The following PCDH9 variants were observed in gnomAD, a reference collection of about 807,000 sequenced individuals.
The protein encoded by PCDH9 is protocadherin-9.
In PCDH9, 24 loss-of-function variants were observed where a neutral mutation model predicts 70.6. That is an observed-to-expected ratio of 0.34 (90% confidence interval 0.25 to 0.48). The LOEUF (loss-of-function observed/expected upper bound fraction) is 0.48, where lower values mean the gene tolerates loss of function less well. PCDH9 is among the 20% of genes least tolerant of loss of function. The probability of loss-of-function intolerance (pLI) is 0.99; values close to 1 mark genes in which losing one functional copy is unlikely to be tolerated. For synonymous variants in PCDH9, 562 were observed against 558.5 expected, an observed-to-expected ratio of 1.01 and a Z score of -0.09; for missense variants, 1,281 against 1,503.6, an observed-to-expected ratio of 0.85 and a Z score of 2.45.
intron 2 of PCDH9, among the ~76,000 whole-genome samples, chr13:67,113,951 G>T (rs1018066659): frequency 1.3e-5 from 2 of 152,160 alleles, no homozygotes; most frequent in African/African-American, 4.8e-5. Flanking sequence ...TCACTTTGGT[G>T]CATCACAGAT....
At chr13:66,698,895 C>CTTTTTTTT (rs67333897) in intron 3 of PCDH9, among the ~76,000 whole-genome samples, 186 of 60,782 alleles carry the variant, frequency 3.1e-3, no homozygotes, top group Admixed American at 4.4e-3. Context: ...CTCAATTCCT[C>CTTTTTTTT]TTTTTTTTTT....
intron 2 of PCDH9, among the ~76,000 whole-genome samples, chr13:66,923,860 A>G (rs1372053017): frequency 6.6e-6 from 1 of 151,800 alleles, no homozygotes; most frequent in African/African-American, 2.4e-5. Context: ...TCATTTTACT[A>G]ACTATAAACT....
chr13:66,385,591 T>A (rs953367007), intron 4 of PCDH9, among the ~76,000 whole-genome samples: 1 of 152,182 alleles, frequency 6.6e-6, no homozygotes, highest in Admixed American at 6.5e-5. Context: ...TGGAAATAAC[T>A]AATCAGACTT....
At chr13:67,168,467 C>T (rs1456034378) in intron 2 of PCDH9, among the ~76,000 whole-genome samples, 1 of 152,140 alleles carries the variant, frequency 6.6e-6, no homozygotes, top group Non-Finnish European at 1.5e-5. Flanking sequence ...GTGGCTCACA[C>T]TTGTCATCCC....
chr13:66,612,973 TG>T (rs1308527180), intron 4 of PCDH9, among the ~76,000 whole-genome samples: 1 of 152,128 alleles, frequency 6.6e-6, no homozygotes, highest in Non-Finnish European at 1.5e-5. Flanking sequence ...GCATGCAAAG[TG>T]GGGGCTCAAT....
intron 3 of PCDH9, among the ~76,000 whole-genome samples, chr13:66,712,343 C>CACTTATT (rs1409632751): frequency 2.0e-5 from 3 of 151,952 alleles, no homozygotes; most frequent in Non-Finnish European, 4.4e-5. Flanking sequence ...AAAAATACAG[C>CACTTATT]ACTTATTTAT....
chr13:66,980,574 T>C (rs1471592147), intron 2 of PCDH9, among the ~76,000 whole-genome samples: 1 of 152,034 alleles, frequency 6.6e-6, no homozygotes, highest in Non-Finnish European at 1.5e-5. Flanking sequence ...ATAAAATTGG[T>C]CCCTTTACCC....
At chr13:66,844,216 T>C (rs1262467712) in intron 3 of PCDH9, among the ~76,000 whole-genome samples, 2 of 152,118 alleles carry the variant, frequency 1.3e-5, no homozygotes, top group East Asian at 1.9e-4. Flanking sequence ...AAGATTAGTT[T>C]CTAGCATGAA....
intron 2 of PCDH9, among the ~76,000 whole-genome samples, chr13:67,150,238 T>A (rs1197694914): frequency 6.6e-6 from 1 of 152,128 alleles, no homozygotes; most frequent in East Asian, 1.9e-4. Flanking sequence ...GGCTTCACCA[T>A]GTTGGCCAGG....
At chr13:66,406,992 C>T (rs1566301896) in intron 4 of PCDH9, among the ~76,000 whole-genome samples, 3 of 152,050 alleles carry the variant, frequency 2.0e-5, no homozygotes, top group Non-Finnish European at 2.9e-5. Context: ...ACCCAAGAGG[C>T]AGCTAAAGAA....
intron 4 of PCDH9, among the ~76,000 whole-genome samples, chr13:66,528,366 C>A (rs1256418653): frequency 6.6e-6 from 1 of 152,114 alleles, no homozygotes; most frequent in Non-Finnish European, 1.5e-5. Context: ...CAGATGCCAG[C>A]CCCACAGAAG....
At position 66,771,786 on chromosome 13, in the gene PCDH9, A is replaced by T. The variant is rs74441854; in HGVS notation, c.3138+131718T>A. Among the ~76,000 whole-genome samples, 661 of 152,338 alleles carry T rather than the reference A, an allele frequency of 4.3e-3. 21 individuals carry two copies. The East Asian group carries it at 0.1, about 23-fold the overall frequency. On this transcript the variant is annotated intron_variant, in intron 3 of 4. Transcript: ENST00000377865. ...TCTCAGTTTTCCAATTATAAATGAG[A>T]CTTATAAAATTTTCCCCATGGAATT...
intron 3 of PCDH9, among the ~76,000 whole-genome samples, chr13:66,732,324 A>G (rs2079089246): frequency 6.6e-6 from 1 of 151,928 alleles, no homozygotes; most frequent in Non-Finnish European, 1.5e-5. Context: ...ATTGTTAACT[A>G]TAGCTTTCCT....
chr13:66,309,932 C>G (rs1193269307), intron 4 of PCDH9, among the ~76,000 whole-genome samples: 4 of 151,742 alleles, frequency 2.6e-5, no homozygotes, highest in African/African-American at 9.7e-5. Flanking sequence ...GAATCCTGAT[C>G]AGGATTCCAA....
chr13:66,695,924 C>T (rs1185432830), intron 3 of PCDH9, among the ~76,000 whole-genome samples: 1 of 151,998 alleles, frequency 6.6e-6, no homozygotes, highest in Non-Finnish European at 1.5e-5. Flanking sequence ...TGAGAATAAA[C>T]ATTAAAAGCA....
chr13:66,561,093 C>T (rs1006285380), intron 4 of PCDH9, among the ~76,000 whole-genome samples: 3 of 152,230 alleles, frequency 2.0e-5, no homozygotes, highest in East Asian at 1.9e-4. Flanking sequence ...ACCCGGGCTG[C>T]GCGTGGTGCT....
At chr13:66,649,254 G>A (rs535863263) in intron 3 of PCDH9, among the ~76,000 whole-genome samples, 1 of 152,092 alleles carries the variant, frequency 6.6e-6, no homozygotes, top group Non-Finnish European at 1.5e-5. Flanking sequence ...ACTACTTCAA[G>A]ACACTTAATA....
intron 4 of PCDH9, among the ~76,000 whole-genome samples, chr13:66,357,732 C>A (rs1449650326): frequency 1.3e-5 from 2 of 151,956 alleles, no homozygotes. Flanking sequence ...TCTTTGATTG[C>A]CAAGGATATG....
At chr13:66,981,664 T>C (rs920362222) in intron 2 of PCDH9, among the ~76,000 whole-genome samples, 3 of 152,046 alleles carry the variant, frequency 2.0e-5, no homozygotes, top group African/African-American at 7.2e-5. Context: ...ATTCTTGCTA[T>C]TCCATAAAGT....
Sources: allele counts gnomAD v4.1 joint callset (sites outside exome capture counted in the v4.1 genomes callset), GRCh38; gene constraint gnomAD v4.1.1; transcripts MANE v1.5; gene names NCBI Gene and HGNC (gene_info 2026-07-23, HGNC 2026-07-21).